Variants in ERMP1 observed in about 807,000 individuals in gnomAD.
The protein encoded by ERMP1 is endoplasmic reticulum metallopeptidase 1, also known as Felix-ina.
ERMP1 carries 86 observed loss-of-function variants against 92.0 expected under a neutral mutation model. The observed-to-expected ratio is 0.93, with a 90% CI of 0.79 to 1.12. ERMP1 has a LOEUF of 1.12. Among genes scored for constraint, ERMP1 ranks in the 50% most tolerant of loss-of-function variants. The pLI, the probability that ERMP1 is intolerant of heterozygous loss-of-function variation, is 0.00. For synonymous variants in ERMP1, 530 were observed against 412.8 expected (o/e 1.28, Z -3.44); for missense variants, 1,342 against 1,116.3 (o/e 1.20, Z -2.88).
chr9:5,847,869 CG>C (rs991836395), intron 6 of ERMP1, among the ~76,000 whole-genome samples: 3 of 149,948 alleles, frequency 2.0e-5, no homozygotes, highest in African/African-American at 7.4e-5. Flanking sequence ...TACTCCAGCC[CG>C]GGCGACAGAG....
chr9:5,841,181 A>G (rs950389872), intron 6 of ERMP1, among the ~76,000 whole-genome samples: 1 of 152,218 alleles, frequency 6.6e-6, no homozygotes, highest in Non-Finnish European at 1.5e-5. Context: ...GTACATTAGC[A>G]ATCCATAAGC....
At chr9:5,790,524 CACATACTG>C (rs1353130842) in intron 13 of ERMP1, among the ~76,000 whole-genome samples, 1 of 152,192 alleles carries the variant, frequency 6.6e-6, no homozygotes, top group Non-Finnish European at 1.5e-5. Context: ...CAAACCCAAT[CACATACTG>C]TATGTTTCCT....
At chr9:5,804,189 G>A (rs1435334899) in intron 10 of ERMP1, among the ~76,000 whole-genome samples, 1 of 152,052 alleles carries the variant, frequency 6.6e-6, no homozygotes, top group African/African-American at 2.4e-5. Flanking sequence ...AAATTTCAAG[G>A]TGCACCTCTG....
At chr9:5,820,515 C>T (rs1291416548) in intron 4 of ERMP1, among the ~76,000 whole-genome samples, 6 of 152,180 alleles carry the variant, frequency 3.9e-5, no homozygotes, top group African/African-American at 1.4e-4. Context: ...GACCCTTTTG[C>T]TATCAAGCCT....
intron 4 of ERMP1, among the ~76,000 whole-genome samples, chr9:5,813,601 G>C (rs1199151650): frequency 1.3e-5 from 2 of 151,986 alleles, no homozygotes; most frequent in Non-Finnish European, 2.9e-5. Flanking sequence ...ACATTTTTGA[G>C]CATCATGTCA....
chr9:5,802,949 C>T (rs899886007), intron 10 of ERMP1, among the ~76,000 whole-genome samples: 4 of 152,156 alleles, frequency 2.6e-5, no homozygotes, highest in Admixed American at 1.3e-4. Context: ...ACGAGAATTG[C>T]TTGAACCCAG....
intron 12 of ERMP1, 101 bp from the exon 13 acceptor site, chr9:5,798,033 G>A: frequency 1.3e-6 from 1 of 760,812 alleles, no homozygotes; most frequent in East Asian, 2.5e-5. Context: ...TTTTGGGTAT[G>A]AAAATAAACT....
At chr9:5,796,860 C>T (rs1351029368) in intron 13 of ERMP1, among the ~76,000 whole-genome samples, 1 of 152,012 alleles carries the variant, frequency 6.6e-6, no homozygotes, top group Non-Finnish European at 1.5e-5. Context: ...AGAATGAACC[C>T]GAGTGGGAAC....
At chr9:5,808,509 A>G (rs752336932) in intron 8 of ERMP1, among the ~76,000 whole-genome samples, 2 of 152,218 alleles carry the variant, frequency 1.3e-5, no homozygotes, top group African/African-American at 4.8e-5. Flanking sequence ...ACATCCCAAC[A>G]TTAACTGAAA....
chr9:5,850,482 GGGGAATTGGGA>G (rs1830296493), intron 6 of ERMP1, among the ~76,000 whole-genome samples: 1 of 151,654 alleles, frequency 6.6e-6, no homozygotes, highest in African/African-American at 2.4e-5. Context: ...GGGGTGGTTG[GGGGAATTGGGA>G]GGGAGCATGT....
intron 6 of ERMP1, among the ~76,000 whole-genome samples, chr9:5,855,273 T>G (rs1355560221): frequency 1.3e-5 from 2 of 152,090 alleles, no homozygotes; most frequent in Non-Finnish European, 2.9e-5. Flanking sequence ...AAGGAGTGAT[T>G]CCTACTGTGA....
At chr9:5,808,171 A>G (rs1292162093) in intron 8 of ERMP1, among the ~76,000 whole-genome samples, 1 of 152,168 alleles carries the variant, frequency 6.6e-6, no homozygotes, top group Non-Finnish European at 1.5e-5. Context: ...CACTTAAAGA[A>G]TATTTGTGAA....
chr9:5,824,339 C>T (rs529734101), intron 3 of ERMP1, among the ~76,000 whole-genome samples: 2 of 152,252 alleles, frequency 1.3e-5, no homozygotes, highest in African/African-American at 4.8e-5. Context: ...TTTGGGAGGC[C>T]ATGGTGGGAA....
chr9:5,791,185 G>C (rs1828180871), intron 13 of ERMP1: 2 of 456,576 alleles, frequency 4.4e-6, no homozygotes, highest in South Asian at 1.5e-5. Flanking sequence ...GAGAAAGAGA[G>C]AGAGAGACAG....
At chr9:5,859,025 T>G (rs1830423700) in intron 6 of ERMP1, among the ~76,000 whole-genome samples, 1 of 152,230 alleles carries the variant, frequency 6.6e-6, no homozygotes, top group Non-Finnish European at 1.5e-5. Flanking sequence ...GTGACTATTG[T>G]TTGCTCCATG....
At chr9:5,795,411 G>C (rs775223499) in intron 13 of ERMP1, among the ~76,000 whole-genome samples, 2 of 152,150 alleles carry the variant, frequency 1.3e-5, no homozygotes, top group Non-Finnish European at 2.9e-5. Flanking sequence ...TCAAGAAGTG[G>C]AAATAAAAAT....
intron 5 of ERMP1, 104 bp from the exon 6 acceptor site, chr9:5,812,321 A>T: frequency 1.6e-6 from 1 of 640,962 alleles, no homozygotes; most frequent in Non-Finnish European, 2.7e-6. Context: ...ATGTCAAAGC[A>T]GTGGCACGAT....
At chr9:5,825,914 CT>C (rs1829716234) in intron 2 of ERMP1, among the ~76,000 whole-genome samples, 1 of 152,080 alleles carries the variant, frequency 6.6e-6, no homozygotes, top group Non-Finnish European at 1.5e-5. Context: ...ACTTAACTGT[CT>C]TGCTTTTTTA....
chr9:5,794,345 A>C (rs1828326662), intron 13 of ERMP1, among the ~76,000 whole-genome samples: 1 of 152,128 alleles, frequency 6.6e-6, no homozygotes, highest in Non-Finnish European at 1.5e-5. Context: ...GATGATTTAA[A>C]ATCAATAATC....
Sources: gnomAD v4.1 joint callset for allele counts (sites outside exome capture counted in the v4.1 genomes callset) on GRCh38, gnomAD v4.1.1 for gene constraint, MANE v1.5 for transcripts, NCBI Gene and HGNC (gene_info 2026-07-23, HGNC 2026-07-21) for gene names.